Variants in CFAP65 observed in about 807,000 individuals in gnomAD.
CFAP65 encodes the protein cilia- and flagella-associated protein 65.
CFAP65 carries 155 observed loss-of-function variants against 208.0 expected under a neutral mutation model. That is an observed-to-expected ratio of 0.75 (90% CI 0.65 to 0.85). The LOEUF (loss-of-function observed/expected upper bound fraction) is 0.85, where lower values mean the gene tolerates loss of function less well. Among genes scored for constraint, CFAP65 ranks in the 40% least tolerant of loss-of-function variants. The pLI, the probability that CFAP65 is intolerant of heterozygous loss-of-function variation, is 0.00. For synonymous variants in CFAP65, 970 were observed against 986.3 expected (o/e 0.98, Z 0.31); for missense variants, 2,294 against 2,451.3 (o/e 0.94, Z 1.36).
At chr2:219,021,704 C>T (rs1947272392) in intron 18 of CFAP65, 76 bp downstream of exon 18, 2 of 1,524,670 alleles carry the variant, frequency 1.3e-6, no homozygotes, top group Non-Finnish European at 1.8e-6. Flanking sequence ...TGCCAGTGTG[C>T]CCAGCAGGTT....
rs763055992 is a variant in CFAP65, at chr2:219,019,542, G to T, written c.3437C>A (p.Pro1146His). 5.6e-6 allele frequency: 9 copies of T among 1,613,224 alleles called. No individual in the cohort carries two copies. The highest frequency in any genetic ancestry group is 1.7e-5 in the Admixed American group (1 of 60,032). Residue 1146 changes from proline (P) to histidine (H), a missense_variant, in exon 20 of 35, where the codon CCC becomes CAC. Physicochemically the swap from Pro to His is moderately conservative, Grantham distance 77. Coordinates refer to ENST00000341552, the MANE Select transcript of CFAP65 (RefSeq NM_194302.4). ...GGGCACCTTGTAGGTGAGCTCACAG[G>T]GGGTGGGGTCACGCTCCAAGTAACT... Reference protein sequence around the residue: ...LNSYLERDPTPCELTYKVPTR... With the variant: ...LNSYLERDPTHCELTYKVPTR...
chr2:219,034,482 A>G (rs566776341), intron 5 of CFAP65: 2 of 152,250 alleles, frequency 1.3e-5, no homozygotes, highest in Non-Finnish European at 2.9e-5. Context: ...AGGACTTCTT[A>G]GGAGAAGCAT....
At chr2:219,011,172 G>A (rs113859621) in intron 24 of CFAP65, among the ~76,000 whole-genome samples, 176 bp from the exon 25 acceptor site, 7 of 151,968 alleles carry the variant, frequency 4.6e-5, no homozygotes, top group African/African-American at 1.2e-4. Context: ...ATGGTCAGCC[G>A]GTGATATTTT....
intron 5 of CFAP65, 135 bp downstream of exon 5, chr2:219,035,345 A>C: frequency 6.4e-7 from 1 of 1,567,436 alleles, no homozygotes; most frequent in Non-Finnish European, 8.7e-7. Context: ...TTCATACTGC[A>C]CGTATTTTAA....
rs575443779 is a variant in CFAP65, at chr2:219,006,605, G to A, written c.4675-96C>T. 2.9e-4 allele frequency: 349 copies of A among 1,210,502 alleles called. 8 individuals carry two copies. The South Asian group carries it at 3.5e-3, about 12-fold the overall frequency. The allele number at this position is 1,210,502 out of a possible 1,614,324, so 75.0% of individuals were successfully genotyped here. ...TCCCAGCACTTTGGAAGGCCAAGGCGGGCGGATCACCTGAGATCAGAAGTT... is the reference window on the plus strand; with the variant it reads ...TCCCAGCACTTTGGAAGGCCAAGGCAGGCGGATCACCTGAGATCAGAAGTT... On this transcript the variant is annotated intron_variant, in intron 29 of 34. Coordinates refer to ENST00000341552, the MANE Select transcript of CFAP65 (RefSeq NM_194302.4).
chr2:219,022,235 T>G lies in CFAP65; in HGVS notation c.2915A>C (p.Asn972Thr), dbSNP rs774127624. 1 of 1,605,704 alleles carries G rather than the reference T, an allele frequency of 6.2e-7. No homozygotes were observed. The highest frequency in any genetic ancestry group is 2.2e-5 in the East Asian group (1 of 44,666). Reference sequence around the variant, plus strand: ...CATGTAGTGGGTGGTGGCAGCGGGGTTGGCATTTGGGGACAGGCCGGCTTC... The same window carrying G: ...CATGTAGTGGGTGGTGGCAGCGGGGGTGGCATTTGGGGACAGGCCGGCTTC... ...VWEAGLSPNA[N>T]PAATTHYMLR... Residue 972 changes from asparagine to threonine, a missense_variant, in exon 17 of 35, where the codon AAC (asparagine) becomes ACC (threonine). Asn to Thr is a moderately conservative substitution (Grantham distance 65). Coordinates refer to ENST00000341552, the MANE Select transcript of CFAP65 (RefSeq NM_194302.4).
intron 14 of CFAP65, among the ~76,000 whole-genome samples, chr2:219,025,715 A>C (rs1349945048): frequency 6.6e-6 from 1 of 152,170 alleles, no homozygotes; most frequent in East Asian, 1.9e-4. Context: ...TAAACAGGAC[A>C]CAAACAAATG....
At chr2:219,022,504 A>G (rs1947335058) in intron 16 of CFAP65, among the ~76,000 whole-genome samples, 175 bp from the exon 17 acceptor site, 1 of 152,146 alleles carries the variant, frequency 6.6e-6, no homozygotes, top group South Asian at 2.1e-4. Flanking sequence ...CCTCAATCCT[A>G]TATCCCCACG....
At position 219,012,132 on chromosome 2, in the gene CFAP65, T is replaced by C. The variant is rs754540; in HGVS notation, c.3957+1127A>G. On this transcript the variant is annotated intron_variant, in intron 24 of 34. Coordinates refer to ENST00000341552, the MANE Select transcript of CFAP65 (RefSeq NM_194302.4). ...CAGCCTTTTTAATTAAGATAAATTA[T>C]AATAAATTAAATTACAATAAATTAT... Among the ~76,000 whole-genome samples the C allele has an allele frequency of 7.5e-3, 1,145 of 152,310 alleles. 31 individuals carry two copies. Among genetic ancestry groups the C allele is most frequent in the Admixed American group, 0.047 (718 of 15,298 alleles).
chr2:219,022,384 C>A, intron 16 of CFAP65, 55 bp from the exon 17 acceptor site: 1 of 1,553,462 alleles, frequency 6.4e-7, no homozygotes, highest in East Asian at 2.4e-5. Context: ...TCCACAGGTA[C>A]CTGGCCATCC....
chr2:219,017,778 C>T (rs913261365), intron 21 of CFAP65, among the ~76,000 whole-genome samples: 3 of 152,252 alleles, frequency 2.0e-5, no homozygotes, highest in African/African-American at 7.2e-5. Flanking sequence ...TGCCCCCAAC[C>T]CTCTCCCTGG....
rs1353449219 is a variant in CFAP65 at position 219,005,476 on chromosome 2, T to C, written c.5009A>G (p.Gln1670Arg). The C allele has an allele frequency of 6.2e-7, 1 of 1,613,838 alleles. No individual in the cohort carries two copies. Among genetic ancestry groups the C allele is most frequent in the Admixed American group, 1.7e-5 (1 of 60,004 alleles). ...AATGTCAACCAGGAGCTGCTTCTTCTGCTTGGAAACAGGGCCCCACTTGTT... is the reference window on the plus strand; with the variant it reads ...AATGTCAACCAGGAGCTGCTTCTTCCGCTTGGAAACAGGGCCCCACTTGTT... Reference protein sequence around the residue: ...SPNKWGPVSKQKKQLLVDILT... With the variant: ...SPNKWGPVSKRKKQLLVDILT... The change falls in exon 32 of 35, where the codon CAG (glutamine) becomes CGG (arginine). Residue 1670 changes from glutamine to arginine, a missense_variant. This residue lies in a region of CFAP65 where 1,427 missense variants were observed against 1,438.7 expected (regional missense o/e 0.99). Coordinates refer to ENST00000341552, the MANE Select transcript of CFAP65 (RefSeq NM_194302.4).
At chr2:219,006,429 G>A (rs1945988085) in intron 30 of CFAP65, 36 bp downstream of exon 30, 1 of 1,612,602 alleles carries the variant, frequency 6.2e-7, no homozygotes, top group African/African-American at 1.3e-5. Context: ...CTCCCAAGTT[G>A]TCCCAAGAAG....
chr2:219,007,818 CT>C (rs376788210), intron 29 of CFAP65, among the ~76,000 whole-genome samples: 18,376 of 145,322 alleles, frequency 0.13, 1,122 homozygotes, highest in African/African-American at 0.18. Flanking sequence ...AGACTTTTAT[CT>C]TTTTTTTTTT....
rs549265644 is a variant in CFAP65, at chr2:219,021,941, C to T, written c.2980-11G>A. On this transcript the variant is annotated splice_polypyrimidine_tract_variant and intron_variant, in intron 17 of 34. Coordinates refer to ENST00000341552, the MANE Select transcript of CFAP65 (RefSeq NM_194302.4). ...CTCCTTTTCCTTTGCCTGGAGGCCACAGTCAGCCAGCCGGGAGTGGGAGCT... is the reference window on the plus strand; with the variant it reads ...CTCCTTTTCCTTTGCCTGGAGGCCATAGTCAGCCAGCCGGGAGTGGGAGCT... 2.5e-6 allele frequency: 4 copies of T among 1,612,722 alleles called. No homozygotes were observed. Among genetic ancestry groups the T allele is most frequent in the Middle Eastern group, 3.3e-4 (2 of 6,050 alleles).
In CFAP65 at chr2:219,002,860, T is replaced by G. The variant is rs1246432061; in HGVS notation, c.*77A>C. On this transcript the variant is annotated 3_prime_UTR_variant, in exon 35 of 35. Coordinates refer to ENST00000341552, the MANE Select transcript of CFAP65 (RefSeq NM_194302.4). The surrounding 1 kb of genome is among the most constrained non-coding windows in gnomAD (Gnocchi z 7.9). ...GTCAAGGTAGATACAGAAAAAAGAC[T>G]AGATGCTTTTACTGGCGGTGGAGAG... 46 of 1,291,702 alleles carry G rather than the reference T, an allele frequency of 3.6e-5. No homozygotes were observed. In the East Asian group the frequency reaches 1.2e-3, roughly 32 times the overall value. The allele number at this position is 1,291,702 out of a possible 1,614,324, so 80.0% of individuals were successfully genotyped here.
At chr2:219,011,651 T>C (rs1946494481) in intron 24 of CFAP65, among the ~76,000 whole-genome samples, 2 of 152,142 alleles carry the variant, frequency 1.3e-5, no homozygotes, top group South Asian at 2.1e-4. Flanking sequence ...ACTCCAAAGG[T>C]TGGGAATCAT....
In CFAP65 at chr2:219,029,654, G is replaced by T; in HGVS notation, c.1399C>A (p.Leu467Met). The part of the protein sequence containing the change: ...VGFCRGPAVS[L>M]QHYCVNFSWV... ...CTGAAGTTGACACAGTAGTGCTGCA[G>T]GGACACAGCAGGGCCTGGACACAGG... The change falls in exon 11 of 35, where the codon CTG (leucine) becomes ATG (methionine). Residue 467 changes from leucine (L) to methionine (M), a missense_variant. Transcript: ENST00000341552. 6.2e-7 allele frequency: 1 copy of T among 1,614,022 alleles called. No homozygotes were observed. The highest frequency in any genetic ancestry group is 8.5e-7 in the Non-Finnish European group (1 of 1,179,954).
At chr2:219,013,497 G>T (rs1417938242) in intron 23 of CFAP65, 22 bp downstream of exon 23, 2 of 1,589,282 alleles carry the variant, frequency 1.3e-6, no homozygotes. Flanking sequence ...ACTAGGGCAG[G>T]GCCAGTGTGC....
Sources: gnomAD v4.1 joint callset for allele counts (sites outside exome capture counted in the v4.1 genomes callset) on GRCh38, gnomAD v4.1.1 for gene constraint, gnomAD v4.1.1 regional missense constraint, Gnocchi (gnomAD v3.1) non-coding constraint, MANE v1.5 for transcripts, NCBI Gene and HGNC (gene_info 2026-07-23, HGNC 2026-07-21) for gene names.